ABCA4: variants seen among roughly 807,000 people sequenced by gnomAD.
ABCA4 encodes the protein retinal-specific phospholipid-transporting ATPase ABCA4.
Under a neutral mutation model 263.7 loss-of-function variants are expected in ABCA4, and 196 were observed. That is an observed-to-expected ratio of 0.74 (90% CI 0.66 to 0.84). ABCA4 has a LOEUF of 0.84. Among genes scored for constraint, ABCA4 ranks in the 40% least tolerant of loss-of-function variants. The pLI, the probability that ABCA4 is intolerant of heterozygous loss-of-function variation, is 0.00. For missense variants in ABCA4, 2,792 were observed against 2,855.1 expected, an observed-to-expected ratio of 0.98 and a Z score of 0.50; for synonymous variants, 1,133 against 1,094.2, an observed-to-expected ratio of 1.04 and a Z score of -0.70.
intron 6 of ABCA4, among the ~76,000 whole-genome samples, chr1:94,092,446 A>G (rs1020861829): frequency 6.6e-6 from 1 of 152,200 alleles, no homozygotes; most frequent in Non-Finnish European, 1.5e-5. Flanking sequence ...CATCAAATGA[A>G]AAGGGAGGAA....
chr1:94,030,389 G>C (rs1490935664), intron 29 of ABCA4, 39 bp downstream of exon 29: 2 of 1,592,464 alleles, frequency 1.3e-6, no homozygotes, highest in Non-Finnish European at 8.6e-7. Context: ...CCTCCCAGGG[G>C]AGCTAGTCTT....
intron 10 of ABCA4, 46 bp downstream of exon 10, chr1:94,078,543 CA>C: frequency 8.5e-7 from 1 of 1,169,774 alleles, no homozygotes; most frequent in Non-Finnish European, 1.3e-6. Flanking sequence ...TTCTTGCCCC[CA>C]CCGCTTCCTC....
At chr1:94,114,945 G>C (rs1039945945) in intron 1 of ABCA4, among the ~76,000 whole-genome samples, 1 of 152,200 alleles carries the variant, frequency 6.6e-6, no homozygotes, top group African/African-American at 2.4e-5. Context: ...ACTCATAATA[G>C]GTGCCCAATA....
rs927897822 is a variant in ABCA4 at position 94,014,682 on chromosome 1, A to G, written c.5321T>C (p.Val1774Ala). The part of the protein sequence containing the change: ...VALLLLYGWA[V>A]IPMMYPASFL... Reference sequence around the variant, plus strand: ...GGATGCTGGGTACATCATGGGAATGACCGCCCATCTGTGTGAAATGAGACA... The same window carrying G: ...GGATGCTGGGTACATCATGGGAATGGCCGCCCATCTGTGTGAAATGAGACA... Residue 1774 changes from valine (V) to alanine (A), a missense_variant, in exon 38 of 50, where the codon GTC (valine) becomes GCC (alanine). Val to Ala is a moderately conservative substitution (Grantham distance 64). Coordinates refer to ENST00000370225, the MANE Select transcript of ABCA4 (RefSeq NM_000350.3). 4.3e-6 allele frequency: 7 copies of G among 1,614,132 alleles called. No individual in the cohort carries two copies. In the Admixed American group the frequency reaches 8.3e-5, roughly 19 times the overall value.
Position 94,062,734 on chromosome 1 carries a change from T to C in ABCA4, c.1780A>G (p.Arg594Gly), listed in dbSNP as rs755803987. Residue 594 changes from arginine (R) to glycine (G), a missense_variant, in exon 13 of 50, where the codon AGA (arginine) becomes GGA (glycine). Transcript: ENST00000370225. ...IKDRYWDSGP[R>G]ADPVEDFRYI... ...CGGAAATCTTCCACGGGATCAGCTC[T>C]GGGACCAGAATCCCAATACCTGAGA... is the stretch of plus-strand genomic sequence containing the variant. 1 of 1,614,008 alleles carries C rather than the reference T, an allele frequency of 6.2e-7. No homozygotes were observed. Among genetic ancestry groups the C allele is most frequent in the Non-Finnish European group, 8.5e-7 (1 of 1,179,986 alleles).
intron 1 of ABCA4, among the ~76,000 whole-genome samples, chr1:94,116,998 CTTTCTTTCT>C (rs756081127): frequency 0.03 from 3,444 of 116,642 alleles, 72 homozygotes; most frequent in Non-Finnish European, 0.036. Flanking sequence ...TTCTTTCTTT[CTTTCTTTCT>C]TTCTTTCTTT....
At chr1:94,030,821 C>G (rs1660177697) in intron 28 of ABCA4, among the ~76,000 whole-genome samples, 175 bp downstream of exon 28, 1 of 152,160 alleles carries the variant, frequency 6.6e-6, no homozygotes, top group Non-Finnish European at 1.5e-5. Context: ...CTAGGATCGC[C>G]TTTCCAAGCA....
At chr1:94,098,091 A>G (rs1662179769) in intron 6 of ABCA4, among the ~76,000 whole-genome samples, 3 of 148,690 alleles carry the variant, frequency 2.0e-5, no homozygotes, top group Admixed American at 2.0e-4. Flanking sequence ...CAGTGTGAAA[A>G]CCTCTGCTCT....
intron 30 of ABCA4, chr1:94,025,511 T>C (rs1318118748): frequency 4.1e-6 from 1 of 244,698 alleles, no homozygotes; most frequent in Non-Finnish European, 8.1e-6. Flanking sequence ...CTCGACTCAC[T>C]ACCAAGGCCC....
intron 3 of ABCA4, among the ~76,000 whole-genome samples, chr1:94,110,737 C>T (rs1662578949): frequency 6.6e-6 from 1 of 152,216 alleles, no homozygotes; most frequent in Admixed American, 6.5e-5. Context: ...GGCTACTAAC[C>T]TGGCATCTAC....
chr1:93,996,779 C>T (rs6669651), intron 48 of ABCA4, among the ~76,000 whole-genome samples: 3,807 of 152,164 alleles, frequency 0.025, 163 homozygotes, highest in African/African-American at 0.081. Flanking sequence ...AGCACATATA[C>T]GTACAAAGGA....
intron 2 of ABCA4, 145 bp from the exon 3 acceptor site, chr1:94,111,724 C>T (rs1439695453): frequency 1.7e-5 from 17 of 1,005,012 alleles, no homozygotes; most frequent in Non-Finnish European, 2.6e-5. Context: ...AGGAGCATCT[C>T]ATGTGTGCCA....
chr1:94,114,826 C>T (rs886867022), intron 1 of ABCA4, among the ~76,000 whole-genome samples: 7 of 152,200 alleles, frequency 4.6e-5, no homozygotes, highest in African/African-American at 1.4e-4. Context: ...ACTTCAGGTT[C>T]ATCACTCCTC....
chr1:94,062,988 T>G, intron 12 of ABCA4, 124 bp downstream of exon 12: 3 of 1,119,772 alleles, frequency 2.7e-6, no homozygotes, highest in Non-Finnish European at 4.0e-6. Flanking sequence ...ATAAAATATC[T>G]TATTTTTTCT....
At chr1:94,115,183 T>C (rs886776183) in intron 1 of ABCA4, among the ~76,000 whole-genome samples, 1 of 152,208 alleles carries the variant, frequency 6.6e-6, no homozygotes, top group Non-Finnish European at 1.5e-5. Context: ...ATAGGAGCAA[T>C]TGATGAAACC....
intron 38 of ABCA4, among the ~76,000 whole-genome samples, chr1:94,012,396 C>A (rs993689365): frequency 6.6e-6 from 1 of 152,208 alleles, no homozygotes; most frequent in African/African-American, 2.4e-5. Flanking sequence ...CCCTTACAAG[C>A]CTTCCAAGAT....
chr1:94,008,104 T>C, intron 42 of ABCA4, 131 bp downstream of exon 42: 1 of 852,642 alleles, frequency 1.2e-6, no homozygotes, highest in South Asian at 1.5e-5. Flanking sequence ...TAGTGGAAGA[T>C]TTAAAATTAC....
At chr1:94,001,611 C>T (rs1388774290) in intron 45 of ABCA4, 2 of 667,178 alleles carry the variant, frequency 3.0e-6, no homozygotes, top group Admixed American at 2.1e-5. Flanking sequence ...GATGGCCCCA[C>T]AGGAGACATC....
intron 19 of ABCA4, chr1:94,045,631 T>A (rs1376579624): frequency 3.2e-5 from 13 of 410,942 alleles, no homozygotes; most frequent in Non-Finnish European, 5.4e-5. Flanking sequence ...GCTCTGTCCC[T>A]GAGTTCTGAT....
Sources: gnomAD v4.1 joint callset for allele counts (sites outside exome capture counted in the v4.1 genomes callset) on GRCh38, gnomAD v4.1.1 for gene constraint, MANE v1.5 for transcripts, NCBI Gene and HGNC (gene_info 2026-07-23, HGNC 2026-07-21) for gene names.